The following ZBTB20 variants were observed in gnomAD, a reference collection of about 807,000 sequenced individuals.
ZBTB20 encodes zinc finger and BTB domain-containing protein 20.
In ZBTB20, 9 loss-of-function variants were observed where a neutral mutation model predicts 56.9. That is an observed-to-expected ratio of 0.16 (90% CI 0.10 to 0.28). The LOEUF (loss-of-function observed/expected upper bound fraction) is 0.28. Among genes scored for constraint, ZBTB20 ranks in the 10% least tolerant of loss-of-function variants. ZBTB20 has a pLI of 1.00. For missense variants in ZBTB20, 655 were observed against 1,003.0 expected, an observed-to-expected ratio of 0.65 and a Z score of 4.69; for synonymous variants, 417 against 420.7, an observed-to-expected ratio of 0.99 and a Z score of 0.11.
At chr3:114,726,286 T>C (rs2065271638) in intron 5 of ZBTB20, among the ~76,000 whole-genome samples, 1 of 152,082 alleles carries the variant, frequency 6.6e-6, no homozygotes, top group African/African-American at 2.4e-5. Flanking sequence ...TTAACGACTG[T>C]TAAAAAAAAC....
At chr3:115,072,227 C>T (rs912754095) in intron 1 of ZBTB20, among the ~76,000 whole-genome samples, 2 of 151,986 alleles carry the variant, frequency 1.3e-5, no homozygotes, top group Non-Finnish European at 2.9e-5. Flanking sequence ...TTATTTTTTC[C>T]TCCGAGTTGA....
At chr3:114,596,831 C>T (rs967758080) in intron 6 of ZBTB20, among the ~76,000 whole-genome samples, 1 of 152,262 alleles carries the variant, frequency 6.6e-6, no homozygotes, top group East Asian at 1.9e-4. Flanking sequence ...ATCTCTAAAG[C>T]TCAATCATAA....
At chr3:114,683,905 G>A (rs1470189774) in intron 6 of ZBTB20, among the ~76,000 whole-genome samples, 1 of 152,084 alleles carries the variant, frequency 6.6e-6, no homozygotes, top group Non-Finnish European at 1.5e-5. Flanking sequence ...ATCTGCTACA[G>A]AAGCCTGTAA....
chr3:114,392,889 T>C (rs1167454029), intron 7 of ZBTB20, among the ~76,000 whole-genome samples: 4 of 152,240 alleles, frequency 2.6e-5, no homozygotes, highest in Non-Finnish European at 5.9e-5. Context: ...GGGATAATAG[T>C]GTTTACCTAG....
chr3:114,457,565 G>C (rs2092095329), intron 7 of ZBTB20, among the ~76,000 whole-genome samples: 1 of 152,118 alleles, frequency 6.6e-6, no homozygotes, highest in African/African-American at 2.4e-5. Context: ...GTCATCTGGG[G>C]TTGTATTATT....
rs181470292 is a variant in ZBTB20, at chr3:114,591,848, G to T, written c.-294-91457C>A. On this transcript the variant is annotated intron_variant, in intron 6 of 11. Transcript: ENST00000675478. The stretch of plus-strand genomic sequence containing the variant: ...TTTGGACACTGTACGTAAAAGCATT[G>T]CACTTTGAAAGCATGCATTTCTTGT... Among the ~76,000 whole-genome samples, 4 of 152,180 alleles carry T rather than the reference G, an allele frequency of 2.6e-5. No homozygotes were observed. The East Asian group carries it at 7.7e-4, about 29-fold the overall frequency.
In ZBTB20 at chr3:114,959,484, A is replaced by G. The variant is rs551083576; in HGVS notation, c.-456+14882T>C. On this transcript the variant is annotated intron_variant, in intron 3 of 11. Transcript: ENST00000675478. ...CAAAGGAAGAAAGAAAAGACATTAG[A>G]TATTTGGAAAGGTAAGTAACTAAGT... 3.3e-5 allele frequency among the ~76,000 whole-genome samples: 5 copies of G among 152,272 alleles called. No homozygotes were observed. In the South Asian group the frequency reaches 1.0e-3, roughly 32 times the overall value.
At chr3:115,039,399 T>C (rs1396558796) in intron 2 of ZBTB20, among the ~76,000 whole-genome samples, 2 of 152,188 alleles carry the variant, frequency 1.3e-5, no homozygotes, top group East Asian at 1.9e-4. Flanking sequence ...CCAAGGCATA[T>C]ACTATTAATA....
At chr3:114,792,661 A>G (rs1475892657) in intron 5 of ZBTB20, among the ~76,000 whole-genome samples, 2 of 152,064 alleles carry the variant, frequency 1.3e-5, no homozygotes, top group Non-Finnish European at 2.9e-5. Context: ...GGGGGTGTTT[A>G]CATGCAGTGC....
chr3:114,727,883 T>C (rs574745559), intron 5 of ZBTB20, among the ~76,000 whole-genome samples: 2 of 152,056 alleles, frequency 1.3e-5, no homozygotes, highest in Middle Eastern at 3.4e-3. Context: ...ACAGAAATAA[T>C]GATAGTAAGC....
intron 5 of ZBTB20, among the ~76,000 whole-genome samples, chr3:114,790,815 T>C (rs1331966880): frequency 6.6e-6 from 1 of 151,744 alleles, no homozygotes; most frequent in Non-Finnish European, 1.5e-5. Context: ...TCTCAGAGAA[T>C]TTATAGTAAC....
At chr3:114,617,478 C>G (rs2058019830) in intron 6 of ZBTB20, among the ~76,000 whole-genome samples, 1 of 152,322 alleles carries the variant, frequency 6.6e-6, no homozygotes, top group African/African-American at 2.4e-5. Flanking sequence ...CACTGTGCCT[C>G]CATGGTTCCT....
chr3:114,773,376 A>G (rs2108748911), intron 5 of ZBTB20, among the ~76,000 whole-genome samples: 1 of 152,220 alleles, frequency 6.6e-6, no homozygotes, highest in East Asian at 1.9e-4. Flanking sequence ...AGGCCAACAG[A>G]CACATTAGTT....
At chr3:114,912,102 A>G (rs190986892) in intron 3 of ZBTB20, among the ~76,000 whole-genome samples, 1 of 147,436 alleles carries the variant, frequency 6.8e-6, no homozygotes, top group Admixed American at 7.0e-5. Flanking sequence ...CCAGGAGGGA[A>G]TGGAATAATA....
chr3:114,729,384 C>T (rs1244115447), intron 5 of ZBTB20, among the ~76,000 whole-genome samples: 2 of 152,122 alleles, frequency 1.3e-5, no homozygotes, highest in African/African-American at 2.4e-5. Flanking sequence ...AGCTATAGAT[C>T]GAGACTTTGA....
chr3:114,343,597 C>T (rs183315352), intron 11 of ZBTB20, among the ~76,000 whole-genome samples: 1 of 152,322 alleles, frequency 6.6e-6, no homozygotes, highest in East Asian at 1.9e-4. Context: ...GCAGAAGGAA[C>T]ACTTGAAAGT....
At chr3:114,980,602 A>C (rs966784830) in intron 2 of ZBTB20, among the ~76,000 whole-genome samples, 2 of 151,952 alleles carry the variant, frequency 1.3e-5, no homozygotes, top group African/African-American at 4.8e-5. Flanking sequence ...AGAAATATTC[A>C]GTACTAAATT....
At chr3:114,984,660 TG>T (rs1383614986) in intron 2 of ZBTB20, among the ~76,000 whole-genome samples, 1 of 152,090 alleles carries the variant, frequency 6.6e-6, no homozygotes, top group East Asian at 1.9e-4. Context: ...TCTCTTTCAT[TG>T]AACAACAGTT....
intron 6 of ZBTB20, among the ~76,000 whole-genome samples, chr3:114,578,036 T>A (rs776696437): frequency 2.0e-5 from 3 of 152,120 alleles, no homozygotes; most frequent in Non-Finnish European, 4.4e-5. Flanking sequence ...GACCTCAGCA[T>A]GAATATGCTT....
Sources: gnomAD v4.1 joint callset for allele counts (sites outside exome capture counted in the v4.1 genomes callset) on GRCh38, gnomAD v4.1.1 for gene constraint, MANE v1.5 for transcripts, NCBI Gene and HGNC (gene_info 2026-07-23, HGNC 2026-07-21) for gene names.